The following NAV2 variants were observed in gnomAD, a reference collection of about 807,000 sequenced individuals.
The protein encoded by NAV2 is neuron navigator 2.
NAV2 carries 54 observed loss-of-function variants against 223.2 expected under a neutral mutation model. The ratio of observed to expected loss-of-function variants is 0.24; its 90% CI spans 0.19 to 0.30. The LOEUF is 0.30. Among genes scored for constraint, NAV2 ranks in the 10% least tolerant of loss-of-function variants. The pLI, the probability that NAV2 is intolerant of heterozygous loss-of-function variation, is 1.00. For missense variants in NAV2, 2,806 were observed against 3,147.5 expected, an observed-to-expected ratio of 0.89 and a Z score of 2.60; for synonymous variants, 1,279 against 1,239.3, an observed-to-expected ratio of 1.03 and a Z score of -0.67.
At chr11:19,662,043 T>C (rs370980564) in intron 1 of NAV2, among the ~76,000 whole-genome samples, 1 of 152,154 alleles carries the variant, frequency 6.6e-6, no homozygotes, top group African/African-American at 2.4e-5. Context: ...TCTGCCATAG[T>C]TGTGGGAATG....
intron 11 of NAV2, among the ~76,000 whole-genome samples, chr11:20,010,537 T>A (rs1238873911): frequency 6.6e-6 from 1 of 152,152 alleles, no homozygotes; most frequent in East Asian, 1.9e-4. Flanking sequence ...AATTTTGAAA[T>A]TCAAACACGC....
chr11:19,975,449 T>C (rs1247678885), intron 10 of NAV2, among the ~76,000 whole-genome samples: 1 of 152,248 alleles, frequency 6.6e-6, no homozygotes, highest in East Asian at 1.9e-4. Flanking sequence ...TCCTGGACTT[T>C]ATATACGTAT....
intron 1 of NAV2, among the ~76,000 whole-genome samples, chr11:19,585,343 T>C (rs1355145653): frequency 6.6e-6 from 1 of 152,204 alleles, no homozygotes; most frequent in African/African-American, 2.4e-5. Context: ...AATTTGCCAG[T>C]CTCTGTCTTT....
intron 11 of NAV2, among the ~76,000 whole-genome samples, chr11:20,019,449 A>G (rs2054300376): frequency 6.6e-6 from 1 of 152,064 alleles, no homozygotes; most frequent in Non-Finnish European, 1.5e-5. Flanking sequence ...GGTAAATTTG[A>G]TTTCAGATGT....
At chr11:19,828,373 AC>A (rs2059756047) in intron 1 of NAV2, among the ~76,000 whole-genome samples, 1 of 151,984 alleles carries the variant, frequency 6.6e-6, no homozygotes, top group Admixed American at 6.6e-5. Flanking sequence ...GACCCTTTTA[AC>A]CCCTATTCTA....
At chr11:20,056,696 A>G in intron 19 of NAV2, 1 of 987,138 alleles carries the variant, frequency 1.0e-6, no homozygotes, top group East Asian at 2.4e-5. Context: ...CTGATGGGAC[A>G]TTGGCGGCAA....
At chr11:19,766,452 G>A (rs1166860385) in intron 1 of NAV2, among the ~76,000 whole-genome samples, 1 of 152,140 alleles carries the variant, frequency 6.6e-6, no homozygotes, top group African/African-American at 2.4e-5. Context: ...GAGCATCCCT[G>A]GACAATAAGT....
chr11:19,723,102 C>T (rs761919931), intron 1 of NAV2, among the ~76,000 whole-genome samples: 17 of 152,148 alleles, frequency 1.1e-4, no homozygotes, highest in Non-Finnish European at 1.8e-4. Flanking sequence ...CCCAACCGCC[C>T]CTACCTTGGA....
At chr11:19,539,036 A>G (rs994830778) in intron 1 of NAV2, among the ~76,000 whole-genome samples, 1 of 152,202 alleles carries the variant, frequency 6.6e-6, no homozygotes, top group African/African-American at 2.4e-5. Flanking sequence ...GTATGGCTAA[A>G]AATGTAATGC....
At chr11:19,715,767 T>G (rs1033810836) in intron 1 of NAV2, among the ~76,000 whole-genome samples, 4 of 152,174 alleles carry the variant, frequency 2.6e-5, no homozygotes, top group African/African-American at 9.7e-5. Context: ...GCTTCCCTCT[T>G]TTGCCCTTGG....
intron 1 of NAV2, among the ~76,000 whole-genome samples, chr11:19,440,248 G>A (rs1206927436): frequency 2.0e-5 from 3 of 152,150 alleles, no homozygotes; most frequent in African/African-American, 7.2e-5. Flanking sequence ...GCTATGGGAA[G>A]CCATGGCAAG....
intron 1 of NAV2, among the ~76,000 whole-genome samples, chr11:19,409,194 A>G (rs1850036341): frequency 6.6e-6 from 1 of 152,174 alleles, no homozygotes; most frequent in Non-Finnish European, 1.5e-5. Flanking sequence ...AAGATGGTGG[A>G]TTTATTCTGA....
intron 1 of NAV2, among the ~76,000 whole-genome samples, chr11:19,580,921 T>C (rs186967114): frequency 2.0e-5 from 3 of 152,350 alleles, no homozygotes; most frequent in Non-Finnish European, 1.5e-5. Flanking sequence ...AGCCTACTTA[T>C]AGGATACTCA....
intron 10 of NAV2, among the ~76,000 whole-genome samples, chr11:19,983,252 GC>G (rs2050456936): frequency 6.6e-6 from 1 of 152,174 alleles, no homozygotes; most frequent in Non-Finnish European, 1.5e-5. Flanking sequence ...TAGTGGCTAA[GC>G]TTTCAGGAAC....
chr11:20,017,905 T>A (rs1035899413), intron 11 of NAV2, among the ~76,000 whole-genome samples: 1 of 152,154 alleles, frequency 6.6e-6, no homozygotes, highest in African/African-American at 2.4e-5. Flanking sequence ...TTTTAAACCT[T>A]TATGTTTTCC....
chr11:19,432,976 C>A (rs1341911925), intron 1 of NAV2, among the ~76,000 whole-genome samples: 3 of 152,184 alleles, frequency 2.0e-5, no homozygotes. Context: ...CCATTCCTTT[C>A]CATATTGCTC....
At chr11:19,925,672 C>T (rs573373161) in intron 6 of NAV2, among the ~76,000 whole-genome samples, 18 of 151,340 alleles carry the variant, frequency 1.2e-4, no homozygotes, top group Admixed American at 8.6e-4. Context: ...TGCTTGAACC[C>T]GGGAGGCGGA....
chr11:19,948,556 T>C (rs1421727221), intron 9 of NAV2, 135 bp from the exon 10 acceptor site: 5 of 833,606 alleles, frequency 6.0e-6, no homozygotes, highest in African/African-American at 5.2e-5. Context: ...GCACATCAGG[T>C]GGTACATGGG....
chr11:19,621,025 GT>G (rs1365867791), intron 1 of NAV2, among the ~76,000 whole-genome samples: 3 of 152,154 alleles, frequency 2.0e-5, no homozygotes, highest in African/African-American at 4.8e-5. Flanking sequence ...TAATCATGTG[GT>G]TTTTGTCTTT....
Sources: allele counts gnomAD v4.1 joint callset (sites outside exome capture counted in the v4.1 genomes callset), GRCh38; gene constraint gnomAD v4.1.1; transcripts MANE v1.5; gene names NCBI Gene and HGNC (gene_info 2026-07-23, HGNC 2026-07-21).